The following ZNF423 variants were observed in gnomAD, a reference collection of about 807,000 sequenced individuals.
ZNF423 encodes Ebf-associated zinc finger protein.
In ZNF423, 12 loss-of-function variants were observed where a neutral mutation model predicts 95.8. The ratio of observed to expected loss-of-function variants is 0.13; its 90% CI spans 0.08 to 0.20. ZNF423 has a LOEUF of 0.20. Ranked by LOEUF, ZNF423 falls within the 10% of genes least tolerant of loss-of-function variation. ZNF423 has a pLI of 1.00. For synonymous variants in ZNF423, 749 were observed against 711.9 expected (o/e 1.05, Z -0.83); for missense variants, 1,316 against 1,737.1 (o/e 0.76, Z 4.31).
At chr16:49,574,105 T>G (rs935110518) in intron 5 of ZNF423, among the ~76,000 whole-genome samples, 5 of 152,218 alleles carry the variant, frequency 3.3e-5, no homozygotes, top group South Asian at 2.1e-4. Flanking sequence ...GATTACAGGC[T>G]GGGTGCAATG....
chr16:49,637,844 C>A lies in ZNF423; in HGVS notation c.1332G>T (p.Lys444Asn). The A allele has an allele frequency of 6.2e-7, 1 of 1,614,188 alleles. No individual in the cohort carries two copies. The change falls in exon 4 of 8, where the codon AAG becomes AAT. Residue 444 changes from lysine (K) to asparagine (N), a missense_variant. By Grantham distance (94) the Lys-to-Asn change is moderately conservative. Around this residue, in one of 6 missense-constraint regions of ZNF423, gnomAD observed 399 missense variants for 478.5 expected, o/e 0.83. Transcript: ENST00000563137. This position sits in a 1 kb window ranked among gnomAD's most constrained non-coding sequence, Gnocchi z 5.6. ...TCTGACATGTGTGGCTCTGCTGGGG[C>A]TTGTCCGCGTGGATGGTCTTCAGGT... The part of the protein sequence containing the change: ...EIHLKTIHAD[K>N]PQQSHTCQIC...
In ZNF423 at chr16:49,636,141, A is replaced by G. The variant is rs368801417; in HGVS notation, c.3035T>C (p.Ile1012Thr). The part of the protein sequence containing the change: ...KMPLQSEEEF[I>T]EHCQMHPDLR... Reference sequence around the variant, plus strand: ...GTCAGGGTGCATCTGGCAGTGCTCAATAAACTCCTCCTCGCTCTGCAGGGG... The same window carrying G: ...GTCAGGGTGCATCTGGCAGTGCTCAGTAAACTCCTCCTCGCTCTGCAGGGG... The change falls in exon 4 of 8, where the codon ATT becomes ACT. Residue 1012 changes from isoleucine (I) to threonine (T), a missense_variant. Physicochemically the swap from Ile to Thr is moderately conservative, Grantham distance 89. Around this residue, in one of 6 missense-constraint regions of ZNF423, gnomAD observed 620 missense variants for 775.6 expected, o/e 0.80. Transcript: ENST00000563137. The surrounding 1 kb of genome is among the most constrained non-coding windows in gnomAD (Gnocchi z 8.6). 2.5e-6 allele frequency: 4 copies of G among 1,613,768 alleles called. No homozygotes were observed. Among genetic ancestry groups the G allele is most frequent in the African/African-American group, 1.3e-5 (1 of 74,940 alleles).
chr16:49,799,457 C>T (rs1424563234), intron 1 of ZNF423, among the ~76,000 whole-genome samples: 1 of 146,992 alleles, frequency 6.8e-6, no homozygotes, highest in Admixed American at 6.8e-5. Flanking sequence ...GCCACAGATG[C>T]CTCAGCATCA....
At chr16:49,707,168 C>T (rs772475139) in intron 3 of ZNF423, among the ~76,000 whole-genome samples, 10 of 152,124 alleles carry the variant, frequency 6.6e-5, no homozygotes, top group Non-Finnish European at 1.0e-4. Context: ...GGGTCCCTGC[C>T]GGTACCCCGA....
chr16:49,779,871 G>A (rs752776620), intron 2 of ZNF423, among the ~76,000 whole-genome samples: 7 of 152,138 alleles, frequency 4.6e-5, no homozygotes, highest in African/African-American at 7.2e-5. Flanking sequence ...GAAGTCCCCC[G>A]AAAAGCCCAA....
intron 5 of ZNF423, among the ~76,000 whole-genome samples, chr16:49,541,071 T>A (rs1209715797): frequency 6.6e-6 from 1 of 152,182 alleles, no homozygotes; most frequent in Admixed American, 6.5e-5. Flanking sequence ...CCTGCTCACC[T>A]GCCCCTCATG....
intron 5 of ZNF423, among the ~76,000 whole-genome samples, chr16:49,604,623 T>C (rs945348196): frequency 1.3e-5 from 2 of 152,104 alleles, no homozygotes; most frequent in Non-Finnish European, 2.9e-5. Flanking sequence ...GAGCTCAGCT[T>C]TTTTGAGGGA....
chr16:49,581,153 C>T (rs1970662441), intron 5 of ZNF423, among the ~76,000 whole-genome samples: 1 of 142,340 alleles, frequency 7.0e-6, no homozygotes, highest in Non-Finnish European at 1.6e-5. Context: ...TTCCTCCAGC[C>T]CCACTGATGT....
intron 3 of ZNF423, among the ~76,000 whole-genome samples, chr16:49,688,767 T>C (rs1194839819): frequency 1.3e-5 from 2 of 152,254 alleles, no homozygotes; most frequent in Non-Finnish European, 2.9e-5. Flanking sequence ...AAACTCCCGA[T>C]GCCAGCAGGC....
intron 3 of ZNF423, among the ~76,000 whole-genome samples, chr16:49,645,129 G>A (rs1404679750): frequency 2.6e-5 from 4 of 152,170 alleles, no homozygotes; most frequent in Admixed American, 2.0e-4. Context: ...TGTTTCTTCA[G>A]AAAAATGAAA....
chr16:49,809,345 G>A (rs535216046), intron 1 of ZNF423, among the ~76,000 whole-genome samples: 38 of 152,308 alleles, frequency 2.5e-4, no homozygotes, highest in African/African-American at 8.4e-4. Context: ...AAGCTGCCTC[G>A]TGCAAAGCGG....
chr16:49,712,712 C>T (rs1297530875), intron 3 of ZNF423, among the ~76,000 whole-genome samples: 3 of 152,250 alleles, frequency 2.0e-5, no homozygotes, highest in African/African-American at 4.8e-5. Flanking sequence ...CTTTGGTGCT[C>T]AGAGCACCGG....
chr16:49,599,072 C>T (rs1192305917), intron 5 of ZNF423, among the ~76,000 whole-genome samples: 1 of 152,180 alleles, frequency 6.6e-6, no homozygotes, highest in Non-Finnish European at 1.5e-5. Context: ...GAAATCCCTC[C>T]CTAACTGTAC....
intron 7 of ZNF423, among the ~76,000 whole-genome samples, chr16:49,521,299 GT>G (rs1968385256): frequency 6.6e-6 from 1 of 152,208 alleles, no homozygotes; most frequent in Non-Finnish European, 1.5e-5. Flanking sequence ...TAAATAAATC[GT>G]AGTTTATATG....
rs776338283 is a variant in ZNF423, at chr16:49,635,891, C to T, written c.3285G>A (p.Leu1095=). The change falls in exon 4 of 8, where the codon CTG becomes CTA. Residue 1095 remains leucine (L), a synonymous_variant. Coordinates refer to ENST00000563137, the MANE Select transcript of ZNF423 (RefSeq NM_001379286.1). The surrounding 1 kb of genome is among the most constrained non-coding windows in gnomAD (Gnocchi z 4.8). ...TGCAGCCGGCGCAGAGGCCGTAGGG[C>T]AGCCCATTGACGTCAAGCTTCACCA... is the stretch of plus-strand genomic sequence containing the variant. ...QDLVKLDVNG[L]PYGLCAGCMA... 4 of 1,582,518 alleles carry T rather than the reference C, an allele frequency of 2.5e-6. No individual in the cohort carries two copies. Among genetic ancestry groups the T allele is most frequent in the Non-Finnish European group, 3.4e-6 (4 of 1,165,478 alleles).
chr16:49,625,301 A>C (rs1972221422), intron 5 of ZNF423, among the ~76,000 whole-genome samples: 1 of 152,182 alleles, frequency 6.6e-6, no homozygotes, highest in South Asian at 2.1e-4. Context: ...TGCAGTGAGC[A>C]AAGATTGCAC....
intron 5 of ZNF423, among the ~76,000 whole-genome samples, chr16:49,552,116 G>A (rs1224967268): frequency 1.3e-5 from 2 of 152,186 alleles, no homozygotes; most frequent in Non-Finnish European, 2.9e-5. Context: ...AAGGGGTGTG[G>A]GCTCTCTGCA....
At position 49,811,752 on chromosome 16, in the gene ZNF423, C is replaced by A. The variant is rs1161245528; in HGVS notation, c.41-22206G>T. On this transcript the variant is annotated intron_variant, in intron 1 of 7. Transcript: ENST00000563137. ...TCCAGGACTACAGCTGGCCTCCTAC[C>A]CCCACCCCCGCCCCCAGAGGCCCTG... Among the ~76,000 whole-genome samples the A allele has an allele frequency of 2.0e-5, 3 of 151,502 alleles. No homozygotes were observed. The East Asian group carries it at 5.9e-4, about 30-fold the overall frequency.
At chr16:49,628,983 A>G (rs1972404347) in intron 4 of ZNF423, among the ~76,000 whole-genome samples, 1 of 152,150 alleles carries the variant, frequency 6.6e-6, no homozygotes, top group South Asian at 2.1e-4. Flanking sequence ...AAGTTTTTTG[A>G]AGACCACTTT....
Sources: gnomAD v4.1 joint callset for allele counts (sites outside exome capture counted in the v4.1 genomes callset) on GRCh38, gnomAD v4.1.1 for gene constraint, gnomAD v4.1.1 regional missense constraint, Gnocchi (gnomAD v3.1) non-coding constraint, MANE v1.5 for transcripts, NCBI Gene and HGNC (gene_info 2026-07-23, HGNC 2026-07-21) for gene names.